The following ZSWIM6 variants were observed in gnomAD, a reference collection of about 807,000 sequenced individuals.
The protein encoded by ZSWIM6 is zinc finger SWIM domain-containing protein 6.
In ZSWIM6, 9 loss-of-function variants were observed where a neutral mutation model predicts 113.2. That is an observed-to-expected ratio of 0.08 (90% CI 0.05 to 0.14). The LOEUF is 0.14. Among genes scored for constraint, ZSWIM6 ranks in the 10% least tolerant of loss-of-function variants. ZSWIM6 has a pLI of 1.00. For missense variants in ZSWIM6, 1,162 were observed against 1,552.2 expected (o/e 0.75, Z 4.22); for synonymous variants, 611 against 606.5 (o/e 1.01, Z -0.11).
chr5:61,445,036 A>C (rs1283100497), intron 1 of ZSWIM6, among the ~76,000 whole-genome samples: 1 of 152,236 alleles, frequency 6.6e-6, no homozygotes, highest in Non-Finnish European at 1.5e-5. Context: ...AAATTAAAAC[A>C]CTGTGATTTG....
At chr5:61,455,668 A>G (rs904763434) in intron 1 of ZSWIM6, among the ~76,000 whole-genome samples, 3 of 152,146 alleles carry the variant, frequency 2.0e-5, no homozygotes, top group Admixed American at 2.0e-4. Flanking sequence ...CTCTATAGCT[A>G]AAGGACTGGT....
At chr5:61,382,262 C>G (rs1429536862) in intron 1 of ZSWIM6, among the ~76,000 whole-genome samples, 8 of 152,212 alleles carry the variant, frequency 5.3e-5, no homozygotes, top group East Asian at 1.9e-4. Flanking sequence ...ACAATCCTTT[C>G]TACCTCAACT....
intron 1 of ZSWIM6, among the ~76,000 whole-genome samples, chr5:61,406,528 A>C (rs955076545): frequency 5.3e-5 from 8 of 152,220 alleles, no homozygotes; most frequent in African/African-American, 1.9e-4. Context: ...TTGTTTTAAC[A>C]ATGTTTTCAA....
chr5:61,421,546 T>C (rs1024257576), intron 1 of ZSWIM6, among the ~76,000 whole-genome samples: 2 of 152,180 alleles, frequency 1.3e-5, no homozygotes, highest in East Asian at 1.9e-4. Context: ...GGTAAACTCA[T>C]GTCATGGGGG....
Position 61,365,047 on chromosome 5 carries a change from T to A in ZSWIM6, c.676+32099T>A, listed in dbSNP as rs141863186. Among the ~76,000 whole-genome samples, 15 of 152,286 alleles carry A rather than the reference T, an allele frequency of 9.8e-5. No homozygotes were observed. The East Asian group carries it at 2.3e-3, about 23-fold the overall frequency. On this transcript the variant is annotated intron_variant, in intron 1 of 13. Coordinates refer to ENST00000252744, the MANE Select transcript of ZSWIM6 (RefSeq NM_020928.2). ...CCCTGCCCTATTATGGTTCATAGCC[T>A]TTTTGAAATGTGACACATGCCAGGC...
chr5:61,509,585 CAAAGCATCTCAGACCTTT>C (rs1748723028), intron 4 of ZSWIM6, among the ~76,000 whole-genome samples: 1 of 152,116 alleles, frequency 6.6e-6, no homozygotes, highest in Non-Finnish European at 1.5e-5. Context: ...TGAAAATTGC[CAAAGCATCTCAGACCTTT>C]AAATCACTCT....
At chr5:61,496,368 A>T (rs1209930685) in intron 4 of ZSWIM6, among the ~76,000 whole-genome samples, 2 of 152,180 alleles carry the variant, frequency 1.3e-5, no homozygotes, top group Non-Finnish European at 2.9e-5. Context: ...CTCACGTAGA[A>T]GTAACAGTAA....
At chr5:61,500,884 C>G (rs964241863) in intron 4 of ZSWIM6, among the ~76,000 whole-genome samples, 1 of 152,052 alleles carries the variant, frequency 6.6e-6, no homozygotes, top group Non-Finnish European at 1.5e-5. Flanking sequence ...CTGAACTAGG[C>G]GCTGATAATG....
At chr5:61,439,747 A>G (rs1441521887) in intron 1 of ZSWIM6, among the ~76,000 whole-genome samples, 1 of 152,240 alleles carries the variant, frequency 6.6e-6, no homozygotes, top group Non-Finnish European at 1.5e-5. Context: ...ATATATATCT[A>G]GGAATGGAAT....
intron 1 of ZSWIM6, among the ~76,000 whole-genome samples, chr5:61,411,647 A>G (rs1746150327): frequency 1.3e-5 from 2 of 152,328 alleles, no homozygotes; most frequent in South Asian, 4.1e-4. Context: ...TCTGGAGGCT[A>G]AGAAGTCCAA....
In ZSWIM6 at chr5:61,332,906, G is replaced by T; in HGVS notation, c.634G>T (p.Ala212Ser). The T allele has an allele frequency of 1.5e-6, 2 of 1,358,440 alleles. No individual in the cohort carries two copies. The highest frequency in any genetic ancestry group is 9.6e-7 in the Non-Finnish European group (1 of 1,042,882). The allele number at this position is 1,358,440 out of a possible 1,614,324, so 84.1% of individuals were successfully genotyped here. Residue 212 changes from alanine (A) to serine (S), a missense_variant, in exon 1 of 14, where the codon GCG (alanine) becomes TCG (serine). This residue lies in a region of ZSWIM6 where 333 missense variants were observed against 293.4 expected (regional missense o/e 1.13). Coordinates refer to ENST00000252744, the MANE Select transcript of ZSWIM6 (RefSeq NM_020928.2). ...GCGGCTGCCTTTCCGCCGGGGCATC[G>T]CGCTGTTGGAAAGCGGCTGCGTAGA... ...ETRLPFRRGI[A>S]LLESGCVDNV...
At chr5:61,343,971 C>T (rs909156564) in intron 1 of ZSWIM6, among the ~76,000 whole-genome samples, 11 of 151,452 alleles carry the variant, frequency 7.3e-5, no homozygotes, top group African/African-American at 1.7e-4. Flanking sequence ...ACTGCAGTCT[C>T]CAATCTCCAC....
chr5:61,366,364 C>G (rs1745152440), intron 1 of ZSWIM6, among the ~76,000 whole-genome samples: 1 of 152,204 alleles, frequency 6.6e-6, no homozygotes, highest in South Asian at 2.1e-4. Context: ...TGTGCTCCAG[C>G]AAGACCAAGT....
intron 1 of ZSWIM6, among the ~76,000 whole-genome samples, chr5:61,433,133 T>C (rs1191451384): frequency 6.6e-6 from 1 of 152,192 alleles, no homozygotes; most frequent in African/African-American, 2.4e-5. Flanking sequence ...TTCTTAAGTT[T>C]TATTACAGAA....
intron 1 of ZSWIM6, among the ~76,000 whole-genome samples, chr5:61,387,972 TTC>T (rs948180993): frequency 3.4e-5 from 5 of 145,954 alleles, no homozygotes; most frequent in African/African-American, 1.3e-4. Flanking sequence ...ATTTTACCCT[TTC>T]TCTCTCTCTC....
chr5:61,543,692 T>G lies in ZSWIM6; in HGVS notation c.3023T>G (p.Ile1008Arg), dbSNP rs1156756213. Reference protein sequence around the residue: ...SALTLCEKDHIAFETAYQIVL... With the variant: ...SALTLCEKDHRAFETAYQIVL... ...CTAACCCTTTGTGAAAAGGATCACATAGCTTTTGAGACGGCGTACCAAATT... is the reference window on the plus strand; with the variant it reads ...CTAACCCTTTGTGAAAAGGATCACAGAGCTTTTGAGACGGCGTACCAAATT... Residue 1008 changes from isoleucine (I) to arginine (R), a missense_variant, in exon 14 of 14, where the codon ATA becomes AGA. By Grantham distance (97) the Ile-to-Arg change is moderately conservative. Coordinates refer to ENST00000252744, the MANE Select transcript of ZSWIM6 (RefSeq NM_020928.2). This position sits in a 1 kb window ranked among gnomAD's most constrained non-coding sequence, Gnocchi z 4.3. The G allele has an allele frequency of 1.3e-6, 2 of 1,551,562 alleles. No individual in the cohort carries two copies. The highest frequency in any genetic ancestry group is 1.7e-6 in the Non-Finnish European group (2 of 1,147,004).
At position 61,385,747 on chromosome 5, in the gene ZSWIM6, A is replaced by G. The variant is rs541900816; in HGVS notation, c.676+52799A>G. ...TGAAAATCCATTCAGTTCTTTTGGG[A>G]GGCTTCCCTCAGCCCCTGTGCCCCA... On this transcript the variant is annotated intron_variant, in intron 1 of 13. Coordinates refer to ENST00000252744, the MANE Select transcript of ZSWIM6 (RefSeq NM_020928.2). 2.6e-5 allele frequency among the ~76,000 whole-genome samples: 4 copies of G among 152,250 alleles called. No individual in the cohort carries two copies. In the South Asian group the frequency reaches 8.3e-4, roughly 32 times the overall value.
intron 1 of ZSWIM6, among the ~76,000 whole-genome samples, chr5:61,435,916 A>T (rs1035648159): frequency 2.0e-5 from 3 of 152,176 alleles, no homozygotes; most frequent in African/African-American, 7.2e-5. Flanking sequence ...AATTTTAGTC[A>T]CTAGGCTGGG....
intron 1 of ZSWIM6, among the ~76,000 whole-genome samples, chr5:61,446,122 G>A (rs1040946724): frequency 6.6e-6 from 1 of 152,146 alleles, no homozygotes; most frequent in Non-Finnish European, 1.5e-5. Context: ...CACCTCCCGG[G>A]TTCAAGTGAT....
Sources: gnomAD v4.1 joint callset for allele counts (sites outside exome capture counted in the v4.1 genomes callset) on GRCh38, gnomAD v4.1.1 for gene constraint, gnomAD v4.1.1 regional missense constraint, Gnocchi (gnomAD v3.1) non-coding constraint, MANE v1.5 for transcripts, NCBI Gene and HGNC (gene_info 2026-07-23, HGNC 2026-07-21) for gene names.